Variants in PCDH15 observed in about 807,000 individuals in gnomAD.
The protein encoded by PCDH15 is protocadherin-15.
PCDH15 carries 129 observed loss-of-function variants against 178.5 expected under a neutral mutation model. The observed-to-expected ratio is 0.72, with a 90% CI of 0.63 to 0.84. The LOEUF is 0.84. Ranked by LOEUF, PCDH15 falls within the 40% of genes least tolerant of loss-of-function variation. PCDH15 has a pLI of 0.00. For synonymous variants in PCDH15, 800 were observed against 732.0 expected (o/e 1.09, Z -1.50); for missense variants, 2,230 against 2,099.9 (o/e 1.06, Z -1.21).
rs368550293 is a variant in PCDH15, at chr10:55,217,596, C to T, written c.-155-50945G>A. Among the ~76,000 whole-genome samples the T allele has an allele frequency of 5.9e-5, 9 of 151,836 alleles. No homozygotes were observed. In the East Asian group the frequency reaches 9.7e-4, roughly 16 times the overall value. ...AAATTTCCACAAAGCTATTATTGAT[C>T]AAGGGACATTATATTCATAATGCTG... On this transcript the variant is annotated intron_variant, in intron 1 of 5. Transcript: ENST00000458638.
At chr10:54,273,171 T>C (rs1591527995) in intron 8 of PCDH15, among the ~76,000 whole-genome samples, 1 of 151,478 alleles carries the variant, frequency 6.6e-6, no homozygotes, top group East Asian at 1.9e-4. Context: ...GAAGCTTGCA[T>C]GTAATTTATT....
rs1329572468 is a variant in PCDH15, at chr10:54,046,118, AATCACG to A, written c.2220+20633_2220+20638del. ...TTCTCAATGCCATTAGCAAAATGCT[AATCACG>A]ATCATAATGCGATATCACTGAAACC... On this transcript the variant is annotated intron_variant, in intron 18 of 37. Coordinates refer to ENST00000644397, the MANE Select transcript of PCDH15 (RefSeq NM_001384140.1). Among the ~76,000 whole-genome samples, 6 of 152,326 alleles carry A rather than the reference AATCACG, an allele frequency of 3.9e-5. No homozygotes were observed. In the East Asian group the frequency reaches 9.6e-4, roughly 24 times the overall value.
At chr10:55,197,486 G>A (rs1840125583) in intron 1 of PCDH15, among the ~76,000 whole-genome samples, 1 of 151,992 alleles carries the variant, frequency 6.6e-6, no homozygotes, top group Non-Finnish European at 1.5e-5. Context: ...CGATAGACTT[G>A]GACTTCAACA....
chr10:54,367,656 G>T (rs956892123), intron 5 of PCDH15, among the ~76,000 whole-genome samples: 2 of 151,836 alleles, frequency 1.3e-5, no homozygotes, highest in East Asian at 1.9e-4. Flanking sequence ...GGGCCTGTTG[G>T]GGGAGTGAGG....
chr10:54,429,628 A>G (rs9415325), intron 3 of PCDH15, among the ~76,000 whole-genome samples: 7,546 of 152,218 alleles, frequency 0.05, 633 homozygotes, highest in African/African-American at 0.17. Flanking sequence ...CTGAAAGTAA[A>G]GGCACGGAAA....
chr10:55,594,089 C>T (rs1157756732), intron 2 of PCDH15, among the ~76,000 whole-genome samples: 1 of 151,828 alleles, frequency 6.6e-6, no homozygotes, highest in Non-Finnish European at 1.5e-5. Flanking sequence ...TTGTCAAATC[C>T]ATGTCATTCT....
At chr10:54,831,228 A>AT (rs1347284597) in intron 3 of PCDH15, among the ~76,000 whole-genome samples, 1 of 152,052 alleles carries the variant, frequency 6.6e-6, no homozygotes, top group Non-Finnish European at 1.5e-5. Flanking sequence ...TAGGTTTAGC[A>AT]TTTTTTCATG....
chr10:54,553,262 G>T (rs1050237290), intron 2 of PCDH15, among the ~76,000 whole-genome samples: 1 of 152,166 alleles, frequency 6.6e-6, no homozygotes, highest in African/African-American at 2.4e-5. Flanking sequence ...TCCCCTCTCT[G>T]ATGTGTCTTA....
Position 54,199,880 on chromosome 10 carries a change from A to G in PCDH15, c.1099-3991T>C, listed in dbSNP as rs372705170. Among the ~76,000 whole-genome samples the G allele has an allele frequency of 7.9e-5, 12 of 152,248 alleles. No individual in the cohort carries two copies. The East Asian group carries it at 1.7e-3, about 22-fold the overall frequency. ...GGTTTTGTTTGAAAAGCGTCTGGGCATGAGTCTCACTTTCAGTAACGAGAC... is the reference window on the plus strand; with the variant it reads ...GGTTTTGTTTGAAAAGCGTCTGGGCGTGAGTCTCACTTTCAGTAACGAGAC... On this transcript the variant is annotated intron_variant, in intron 10 of 37. Transcript: ENST00000644397.
At chr10:55,079,960 G>A (rs145378716) in intron 2 of PCDH15, among the ~76,000 whole-genome samples, 44 of 152,256 alleles carry the variant, frequency 2.9e-4, no homozygotes, top group Admixed American at 9.8e-4. Flanking sequence ...TTAGGCTCTA[G>A]TAGGTAGAAC....
chr10:54,044,583 T>A (rs1232132415), intron 18 of PCDH15, among the ~76,000 whole-genome samples: 1 of 152,060 alleles, frequency 6.6e-6, no homozygotes, highest in East Asian at 1.9e-4. Flanking sequence ...GGATTCAGAA[T>A]CCAGGTGGAA....
chr10:54,799,496 C>A (rs963238774), intron 1 of PCDH15, among the ~76,000 whole-genome samples: 17 of 151,994 alleles, frequency 1.1e-4, no homozygotes, highest in African/African-American at 3.9e-4. Flanking sequence ...GAATAATATT[C>A]AAAACTTCAT....
intron 2 of PCDH15, among the ~76,000 whole-genome samples, chr10:54,653,466 C>G (rs948198725): frequency 6.6e-6 from 1 of 152,178 alleles, no homozygotes; most frequent in Non-Finnish European, 1.5e-5. Flanking sequence ...CCACATTCTA[C>G]TGCTTCTCAA....
At chr10:55,180,096 G>C (rs914618796) in intron 1 of PCDH15, among the ~76,000 whole-genome samples, 1 of 152,026 alleles carries the variant, frequency 6.6e-6, no homozygotes, top group Non-Finnish European at 1.5e-5. Context: ...AAGATTCAGG[G>C]AAGGAACTGG....
At chr10:54,990,327 A>C (rs1839470151) in intron 2 of PCDH15, among the ~76,000 whole-genome samples, 2 of 152,214 alleles carry the variant, frequency 1.3e-5, no homozygotes, top group African/African-American at 2.4e-5. Context: ...ATCACATTTC[A>C]AAAAATAGTG....
intron 3 of PCDH15, among the ~76,000 whole-genome samples, chr10:54,380,673 TCC>T (rs1288076655): frequency 5.6e-3 from 160 of 28,666 alleles, no homozygotes; most frequent in East Asian, 0.014. Flanking sequence ...ATATATATGC[TCC>T]ATATATATAT....
At chr10:55,005,207 A>AAATAATAATAATAATAATAAT (rs373796184) in intron 2 of PCDH15, among the ~76,000 whole-genome samples, 1,352 of 103,332 alleles carry the variant, frequency 0.013, 18 homozygotes, top group Middle Eastern at 0.027. Context: ...CCCTGTCTCT[A>AAATAATAATAATAATAATAAT]AATAATAATA....
At chr10:55,233,310 C>T (rs977117909) in intron 1 of PCDH15, among the ~76,000 whole-genome samples, 1 of 151,936 alleles carries the variant, frequency 6.6e-6, no homozygotes, top group Non-Finnish European at 1.5e-5. Context: ...TTTGTTTAAC[C>T]GTGGAAAACA....
chr10:53,972,238 T>C (rs949101335), intron 21 of PCDH15, among the ~76,000 whole-genome samples: 2 of 151,026 alleles, frequency 1.3e-5, no homozygotes, highest in Non-Finnish European at 2.9e-5. Flanking sequence ...TAGCCATATG[T>C]AGAAAGCTGA....
Sources: gnomAD v4.1 joint callset for allele counts (sites outside exome capture counted in the v4.1 genomes callset) on GRCh38, gnomAD v4.1.1 for gene constraint, MANE v1.5 for transcripts, NCBI Gene and HGNC (gene_info 2026-07-23, HGNC 2026-07-21) for gene names.